The following GALNTL6 variants were observed in gnomAD, a reference collection of about 807,000 sequenced individuals.
The protein encoded by GALNTL6 is polypeptide N-acetylgalactosaminyltransferase like 6.
A neutral mutation model predicts 73.7 loss-of-function variants in GALNTL6; 46 were observed. The ratio of observed to expected loss-of-function variants is 0.62; its 90% CI spans 0.49 to 0.80. GALNTL6 has a LOEUF of 0.80. GALNTL6 is among the 30% of genes least tolerant of loss of function. The pLI, the probability that GALNTL6 is intolerant of heterozygous loss-of-function variation, is 0.00. For synonymous variants in GALNTL6, 259 were observed against 263.7 expected, an observed-to-expected ratio of 0.98 and a Z score of 0.17; for missense variants, 604 against 755.0, an observed-to-expected ratio of 0.80 and a Z score of 2.34.
chr4:172,597,410 T>A (rs55775015), intron 5 of GALNTL6, among the ~76,000 whole-genome samples: 1 of 152,212 alleles, frequency 6.6e-6, no homozygotes, highest in African/African-American at 2.4e-5. Flanking sequence ...TTATTTTTCT[T>A]GTTTCTTACT....
intron 2 of GALNTL6, among the ~76,000 whole-genome samples, chr4:171,897,775 A>T (rs1736969560): frequency 6.6e-6 from 1 of 151,524 alleles, no homozygotes; most frequent in Non-Finnish European, 1.5e-5. Flanking sequence ...AAAATGCAAA[A>T]AAATTAGCCA....
At chr4:171,954,541 C>T (rs1465026691) in intron 2 of GALNTL6, among the ~76,000 whole-genome samples, 1 of 152,110 alleles carries the variant, frequency 6.6e-6, no homozygotes, top group Non-Finnish European at 1.5e-5. Context: ...TTAAGAAATA[C>T]ACAAGGGAGA....
At chr4:172,676,946 G>T (rs1054595260) in intron 5 of GALNTL6, among the ~76,000 whole-genome samples, 4 of 152,092 alleles carry the variant, frequency 2.6e-5, no homozygotes, top group Admixed American at 2.6e-4. Flanking sequence ...GCTTTTTATA[G>T]CCAGTAGTAT....
chr4:172,367,924 A>G (rs1228079071), intron 5 of GALNTL6, among the ~76,000 whole-genome samples: 2 of 152,364 alleles, frequency 1.3e-5, no homozygotes, highest in East Asian at 1.9e-4. Context: ...GGCAATACCC[A>G]TAATGCTCCA....
At chr4:172,035,424 T>G (rs1741903383) in intron 2 of GALNTL6, among the ~76,000 whole-genome samples, 1 of 152,082 alleles carries the variant, frequency 6.6e-6, no homozygotes, top group African/African-American at 2.4e-5. Context: ...CCTGGCCTAT[T>G]ACTAACACCT....
chr4:172,693,644 G>T (rs957435517), intron 5 of GALNTL6, among the ~76,000 whole-genome samples: 2 of 152,210 alleles, frequency 1.3e-5, no homozygotes, highest in South Asian at 4.1e-4. Context: ...CGCACTCAAG[G>T]CTCCACCTAT....
intron 5 of GALNTL6, among the ~76,000 whole-genome samples, chr4:172,737,348 T>A (rs1037603769): frequency 2.0e-5 from 3 of 152,144 alleles, no homozygotes; most frequent in African/African-American, 7.2e-5. Context: ...TATTTTTAAA[T>A]AGCAGGTCTT....
chr4:172,149,812 G>A (rs1260779335), intron 2 of GALNTL6, among the ~76,000 whole-genome samples: 1 of 152,178 alleles, frequency 6.6e-6, no homozygotes, highest in South Asian at 2.1e-4. Context: ...GAATACCACT[G>A]TCCATACCCT....
chr4:172,879,306 C>T (rs76948566), intron 7 of GALNTL6, among the ~76,000 whole-genome samples: 1,537 of 151,880 alleles, frequency 0.01, 25 homozygotes, highest in African/African-American at 0.033. Context: ...ACACTGTACC[C>T]AACAGGAATG....
intron 5 of GALNTL6, among the ~76,000 whole-genome samples, chr4:172,528,177 T>A (rs928460539): frequency 6.6e-6 from 1 of 151,328 alleles, no homozygotes; most frequent in Admixed American, 6.6e-5. Context: ...TTTCTGATCT[T>A]TGACTTCTAG....
At chr4:172,979,206 T>G (rs1299299823) in intron 10 of GALNTL6, among the ~76,000 whole-genome samples, 2 of 152,200 alleles carry the variant, frequency 1.3e-5, no homozygotes, top group Non-Finnish European at 2.9e-5. Flanking sequence ...GCCAAATGAA[T>G]GCAGAATTAC....
At chr4:171,993,284 T>C (rs971566668) in intron 2 of GALNTL6, among the ~76,000 whole-genome samples, 1 of 152,022 alleles carries the variant, frequency 6.6e-6, no homozygotes, top group Non-Finnish European at 1.5e-5. Context: ...AGCAAGGATC[T>C]TCTCCCAATA....
In GALNTL6 at chr4:173,010,626, C is replaced by T. The variant is rs182510839; in HGVS notation, c.1488+1332C>T. 1.6e-3 allele frequency among the ~76,000 whole-genome samples: 242 copies of T among 151,874 alleles called. 1 individual carries two copies. Among genetic ancestry groups the T allele is most frequent in the African/African-American group, 5.6e-3 (233 of 41,400 alleles). ...TTTGTTTTGTTTTTAAACGGAGTCTCGCTCTGTCACCAGGCTGGAGTGCAG... is the reference window on the plus strand; with the variant it reads ...TTTGTTTTGTTTTTAAACGGAGTCTTGCTCTGTCACCAGGCTGGAGTGCAG... On this transcript the variant is annotated intron_variant, in intron 11 of 12. Transcript: ENST00000506823.
chr4:172,363,029 G>C (rs965657235), intron 5 of GALNTL6, among the ~76,000 whole-genome samples: 7 of 152,106 alleles, frequency 4.6e-5, no homozygotes, highest in Admixed American at 3.3e-4. Context: ...AAAACTGGCA[G>C]TCTTCCCTCT....
At chr4:172,538,600 G>A (rs1735437604) in intron 5 of GALNTL6, among the ~76,000 whole-genome samples, 1 of 152,152 alleles carries the variant, frequency 6.6e-6, no homozygotes, top group Non-Finnish European at 1.5e-5. Context: ...AGAAATATCA[G>A]TGAAATAATT....
intron 5 of GALNTL6, among the ~76,000 whole-genome samples, chr4:172,368,605 G>A (rs746679195): frequency 2.6e-5 from 4 of 152,306 alleles, no homozygotes; most frequent in East Asian, 1.9e-4. Flanking sequence ...TGTTGTGTCC[G>A]GAATTTTTGG....
At chr4:172,531,421 A>G (rs1408973795) in intron 5 of GALNTL6, among the ~76,000 whole-genome samples, 1 of 152,196 alleles carries the variant, frequency 6.6e-6, no homozygotes, top group African/African-American at 2.4e-5. Context: ...TACCCAGTGC[A>G]AATGGAAAAT....
intron 2 of GALNTL6, among the ~76,000 whole-genome samples, chr4:171,943,241 G>A (rs1738602589): frequency 6.6e-6 from 1 of 152,158 alleles, no homozygotes; most frequent in African/African-American, 2.4e-5. Context: ...AGTAACTCTG[G>A]ACATGATGCC....
chr4:172,071,742 G>A (rs1731537397), intron 2 of GALNTL6, among the ~76,000 whole-genome samples: 1 of 41,408 alleles, frequency 2.4e-5, no homozygotes. Flanking sequence ...TTGCATTTTG[G>A]CAGAGACTCA....
Sources: allele counts gnomAD v4.1 joint callset (sites outside exome capture counted in the v4.1 genomes callset), GRCh38; gene constraint gnomAD v4.1.1; transcripts MANE v1.5; gene names NCBI Gene and HGNC (gene_info 2026-07-23, HGNC 2026-07-21).